ADCY3: variants seen among roughly 807,000 people sequenced by gnomAD.
ADCY3 encodes adenylate cyclase 3, also known as adenylate cyclase type 3.
A neutral mutation model predicts 119.4 loss-of-function variants in ADCY3; 70 were observed. The ratio of observed to expected loss-of-function variants is 0.59; its 90% CI spans 0.48 to 0.72. The LOEUF (loss-of-function observed/expected upper bound fraction) is 0.72, where lower values mean the gene tolerates loss of function less well. Among genes scored for constraint, ADCY3 ranks in the 30% least tolerant of loss-of-function variants. ADCY3 has a pLI of 0.00. For synonymous variants in ADCY3, 672 were observed against 621.4 expected, an observed-to-expected ratio of 1.08 and a Z score of -1.21; for missense variants, 1,238 against 1,541.6, an observed-to-expected ratio of 0.80 and a Z score of 3.30.
At chr2:24,850,307 T>C (rs760407187) in intron 3 of ADCY3, among the ~76,000 whole-genome samples, 1 of 152,108 alleles carries the variant, frequency 6.6e-6, no homozygotes, top group Non-Finnish European at 1.5e-5. Flanking sequence ...CTACGGACCT[T>C]CTAGAAAAAT....
At chr2:24,829,877 G>C (rs1207038912) in intron 13 of ADCY3, among the ~76,000 whole-genome samples, 1 of 151,482 alleles carries the variant, frequency 6.6e-6, no homozygotes, top group Non-Finnish European at 1.5e-5. Flanking sequence ...TACGTGCCCA[G>C]TGGTTCTAAA....
chr2:24,899,934 A>G lies in ADCY3; in HGVS notation c.675+18379T>C, dbSNP rs1312966512. ...AATTATTTTCTTACAATAGTGCTTC[A>G]TAATATAGAAGAAAACTGATATTCG... On this transcript the variant is annotated intron_variant, in intron 2 of 21. Coordinates refer to ENST00000679454, the MANE Select transcript of ADCY3 (RefSeq NM_004036.5). The surrounding 1 kb of genome is among the most constrained non-coding windows in gnomAD (Gnocchi z 4.5). 6.6e-6 allele frequency among the ~76,000 whole-genome samples: 1 copy of G among 152,160 alleles called. No individual in the cohort carries two copies. The highest frequency in any genetic ancestry group is 1.5e-5 in the Non-Finnish European group (1 of 68,030).
chr2:24,846,890 AT>A (rs1442575905), intron 3 of ADCY3, among the ~76,000 whole-genome samples: 1 of 152,078 alleles, frequency 6.6e-6, no homozygotes, highest in African/African-American at 2.4e-5. Flanking sequence ...CTTGCTTTTG[AT>A]TTTACAGGCT....
intron 2 of ADCY3, among the ~76,000 whole-genome samples, chr2:24,876,810 C>A (rs1299331808): frequency 6.6e-6 from 1 of 152,212 alleles, no homozygotes; most frequent in Admixed American, 6.5e-5. Flanking sequence ...TAGCGAGAAT[C>A]TGAAATAGGT....
rs1488563971 is a variant in ADCY3 at position 24,842,026 on chromosome 2, T to A, written c.956+228A>T. Among the ~76,000 whole-genome samples the A allele has an allele frequency of 6.6e-6, 1 of 152,164 alleles. No homozygotes were observed. The highest frequency in any genetic ancestry group is 6.5e-5 in the Admixed American group (1 of 15,276). On this transcript the variant is annotated intron_variant, in intron 4 of 21. Transcript: ENST00000679454. This position sits in a 1 kb window ranked among gnomAD's most constrained non-coding sequence, Gnocchi z 4.9. Reference sequence around the variant, plus strand: ...GACCTCACAGGAGTCCCTTCCCCGCTCCAGGTGATATCTGTTCTATGATGG... The same window carrying A: ...GACCTCACAGGAGTCCCTTCCCCGCACCAGGTGATATCTGTTCTATGATGG...
chr2:24,861,241 A>C, intron 3 of ADCY3, among the ~76,000 whole-genome samples: 1 of 101,828 alleles, frequency 9.8e-6, no homozygotes, highest in Non-Finnish European at 2.0e-5. Flanking sequence ...AAAGAGTGAG[A>C]CTCCATCTCA....
At chr2:24,891,429 C>T (rs1182846152) in intron 2 of ADCY3, among the ~76,000 whole-genome samples, 1 of 152,126 alleles carries the variant, frequency 6.6e-6, no homozygotes, top group Non-Finnish European at 1.5e-5. Context: ...TGGTAGCTGT[C>T]TCGGTTATGA....
rs1675216547 is a variant in ADCY3, at chr2:24,872,967, G to C, written c.676-248C>G. On this transcript the variant is annotated intron_variant, in intron 2 of 21. Coordinates refer to ENST00000679454, the MANE Select transcript of ADCY3 (RefSeq NM_004036.5). The surrounding 1 kb of genome is among the most constrained non-coding windows in gnomAD (Gnocchi z 4.4). Reference sequence around the variant, plus strand: ...CCTGAAAGGCTCAAGGGTTCCACGAGGGGCAGGGTGCAGGCGTTCAAGCCT... The same window carrying C: ...CCTGAAAGGCTCAAGGGTTCCACGACGGGCAGGGTGCAGGCGTTCAAGCCT... Among the ~76,000 whole-genome samples the C allele has an allele frequency of 6.6e-6, 1 of 152,246 alleles. No homozygotes were observed. Among genetic ancestry groups the C allele is most frequent in the African/African-American group, 2.4e-5 (1 of 41,464 alleles).
intron 2 of ADCY3, among the ~76,000 whole-genome samples, chr2:24,886,944 C>G (rs1163779135): frequency 6.6e-6 from 1 of 152,236 alleles, no homozygotes; most frequent in Non-Finnish European, 1.5e-5. Flanking sequence ...TCGACAGTCC[C>G]CCACAAGTGA....
rs77746285 is a variant in ADCY3, at chr2:24,842,537, C to T, written c.826-153G>A. 24,615 of 1,012,526 alleles carry T rather than the reference C, an allele frequency of 0.024. 470 individuals carry two copies. The highest frequency in any genetic ancestry group is 0.076 in the East Asian group (2,854 of 37,328). 62.7% of individuals were successfully genotyped at this position (1,012,526 alleles called of 1,614,324 possible). ...AGACCTCACAGATCTGCCTCGGGAG[C>T]AGCCAGGGGTCTGGGACAGGCAGCT... is the stretch of plus-strand genomic sequence containing the variant. On this transcript the variant is annotated intron_variant, in intron 3 of 21. Coordinates refer to ENST00000679454, the MANE Select transcript of ADCY3 (RefSeq NM_004036.5). The surrounding 1 kb of genome is among the most constrained non-coding windows in gnomAD (Gnocchi z 4.9).
At chr2:24,890,296 G>A (rs991544043) in intron 2 of ADCY3, among the ~76,000 whole-genome samples, 3 of 152,082 alleles carry the variant, frequency 2.0e-5, no homozygotes, top group Non-Finnish European at 4.4e-5. Flanking sequence ...GTTTTGTAAC[G>A]TCTTTGTCTG....
chr2:24,832,506 C>G (rs1046383987), intron 11 of ADCY3, among the ~76,000 whole-genome samples: 4 of 152,148 alleles, frequency 2.6e-5, no homozygotes, highest in Non-Finnish European at 5.9e-5. Context: ...TTCTCTATAC[C>G]CTCTGCTCAC....
chr2:24,868,946 C>T (rs372722403), intron 3 of ADCY3, among the ~76,000 whole-genome samples: 2 of 152,206 alleles, frequency 1.3e-5, no homozygotes, highest in South Asian at 4.2e-4. Flanking sequence ...ATGGCGTGAA[C>T]CCGGGAGGCA....
At position 24,827,561 on chromosome 2, in the gene ADCY3, A is replaced by G. The variant is rs1349785615; in HGVS notation, c.2480T>C (p.Leu827Pro). ...TGGCCCTTACCTGTCAGTGCCATTG[A>G]GCCCAGGGTTGAATCCTTGCATCTG... ...LEQMQGFNPG[L>P]NGTDRLPLVP... The change falls in exon 15 of 22, where the codon CTC becomes CCC. Residue 827 changes from leucine (L) to proline (P), a missense_variant. Around this residue, in one of 7 missense-constraint regions of ADCY3, gnomAD observed 499 missense variants for 571.0 expected, o/e 0.87. Coordinates refer to ENST00000679454, the MANE Select transcript of ADCY3 (RefSeq NM_004036.5). 4 of 1,588,624 alleles carry G rather than the reference A, an allele frequency of 2.5e-6. No individual in the cohort carries two copies. Among genetic ancestry groups the G allele is most frequent in the South Asian group, 1.1e-5 (1 of 87,730 alleles).
At chr2:24,850,725 G>T (rs572916914) in intron 3 of ADCY3, among the ~76,000 whole-genome samples, 6 of 152,196 alleles carry the variant, frequency 3.9e-5, no homozygotes, top group Non-Finnish European at 8.8e-5. Flanking sequence ...AACCCTTGTG[G>T]AAAAAACTGT....
chr2:24,828,422 C>A (rs1253790486), intron 13 of ADCY3, among the ~76,000 whole-genome samples: 3 of 152,146 alleles, frequency 2.0e-5, no homozygotes, highest in Non-Finnish European at 4.4e-5. Context: ...ACAGAAAACT[C>A]GGGCCAGATT....
intron 9 of ADCY3, among the ~76,000 whole-genome samples, chr2:24,836,163 T>G (rs1198213217): frequency 1.3e-5 from 2 of 152,138 alleles, no homozygotes; most frequent in Admixed American, 6.5e-5. Context: ...TGCATCTGTG[T>G]CCTCCTTGCT....
rs759512660 is a variant in ADCY3 at position 24,826,096 on chromosome 2, CAT to C, written c.2524_2525del (p.Met842AspfsTer31). 6.2e-7 allele frequency: 1 copy of C among 1,614,112 alleles called. No homozygotes were observed. Among genetic ancestry groups the C allele is most frequent in the Admixed American group, 1.7e-5 (1 of 60,028 alleles). On this transcript the variant is annotated frameshift_variant, in exon 16 of 22. Transcript: ENST00000679454. LOFTEE classifies it high-confidence loss of function. ...RLPLVPSKYS[M>X]TVMVFLMMLS... ...GCATCATGAGGAACACCATCACCGT[CAT>C]AGAGTACTTGGAAGGCACCAGGGGC...
At position 24,843,054 on chromosome 2, in the gene ADCY3, G is replaced by A. The variant is rs146141592; in HGVS notation, c.826-670C>T. On this transcript the variant is annotated intron_variant, in intron 3 of 21. Transcript: ENST00000679454. ...AAGGAGCCTTGGTCGAGCCCAAGACGCGACGCTGAGGGCACTCCTGTTGGA... is the reference window on the plus strand; with the variant it reads ...AAGGAGCCTTGGTCGAGCCCAAGACACGACGCTGAGGGCACTCCTGTTGGA... Among the ~76,000 whole-genome samples the A allele has an allele frequency of 1.0e-3, 154 of 152,328 alleles. 3 individuals carry two copies. In the South Asian group the frequency reaches 0.017, roughly 17 times the overall value.
Sources: gnomAD v4.1 joint callset for allele counts (sites outside exome capture counted in the v4.1 genomes callset) on GRCh38, gnomAD v4.1.1 for gene constraint, gnomAD v4.1.1 regional missense constraint, Gnocchi (gnomAD v3.1) non-coding constraint, MANE v1.5 for transcripts, NCBI Gene and HGNC (gene_info 2026-07-23, HGNC 2026-07-21) for gene names.